Variants in ASTN2 observed in about 807,000 individuals in gnomAD.
ASTN2 encodes astrotactin 2.
ASTN2 carries 54 observed loss-of-function variants against 139.8 expected under a neutral mutation model. The observed-to-expected ratio is 0.39, with a 90% CI of 0.31 to 0.48. The LOEUF is 0.48. Among genes scored for constraint, ASTN2 ranks in the 20% least tolerant of loss-of-function variants. The probability of loss-of-function intolerance (pLI) is 0.95; values close to 1 mark genes in which losing one functional copy is unlikely to be tolerated. For synonymous variants in ASTN2, 756 were observed against 719.5 expected (o/e 1.05, Z -0.81); for missense variants, 1,565 against 1,725.1 (o/e 0.91, Z 1.64).
intron 7 of ASTN2, among the ~76,000 whole-genome samples, chr9:116,993,799 GTATGTACTA>G (rs1230009321): frequency 7.0e-6 from 1 of 142,148 alleles, no homozygotes; most frequent in African/African-American, 2.6e-5. Context: ...ATATATGTAT[GTATGTACTA>G]TATATAACAT....
rs1285011197 is a variant in ASTN2 at position 117,394,705 on chromosome 9, T to C, written c.442+19792A>G. 5.3e-5 allele frequency among the ~76,000 whole-genome samples: 8 copies of C among 152,128 alleles called. No individual in the cohort carries two copies. The East Asian group carries it at 1.5e-3, about 29-fold the overall frequency. On this transcript the variant is annotated intron_variant, in intron 1 of 22. Transcript: ENST00000313400. The stretch of plus-strand genomic sequence containing the variant: ...GAGCAAAGTCACAGAAATGGGAAAG[T>C]AAAGCTTATTTTCCGGACAGTAAAA...
At chr9:116,949,685 A>G (rs182902223) in intron 10 of ASTN2, among the ~76,000 whole-genome samples, 95 of 152,352 alleles carry the variant, frequency 6.2e-4, no homozygotes, top group African/African-American at 2.1e-3. Flanking sequence ...TAGGAAAAAC[A>G]ATAATGAAGC....
chr9:117,338,060 C>G (rs1828942056), intron 1 of ASTN2, among the ~76,000 whole-genome samples: 2 of 152,204 alleles, frequency 1.3e-5, no homozygotes, highest in South Asian at 4.1e-4. Context: ...TCGCATTTAT[C>G]TATCTACAAC....
chr9:116,891,715 G>A, intron 10 of ASTN2, among the ~76,000 whole-genome samples: 1 of 152,176 alleles, frequency 6.6e-6, no homozygotes, highest in Non-Finnish European at 1.5e-5. Flanking sequence ...ATGGGCACTT[G>A]GTCATCCATT....
chr9:116,784,104 T>G (rs115414482), intron 13 of ASTN2, among the ~76,000 whole-genome samples: 3,393 of 152,134 alleles, frequency 0.022, 138 homozygotes, highest in African/African-American at 0.078. Flanking sequence ...ATAAGAAAAA[T>G]GAAGCTTGAA....
intron 1 of ASTN2, among the ~76,000 whole-genome samples, chr9:117,293,657 T>G (rs116221800): frequency 0.01 from 1,545 of 152,152 alleles, 31 homozygotes; most frequent in African/African-American, 0.036. Flanking sequence ...CAGGCTGGGG[T>G]GATCTGCTGC....
At chr9:117,052,901 G>A (rs926380454) in intron 5 of ASTN2, among the ~76,000 whole-genome samples, 4 of 152,220 alleles carry the variant, frequency 2.6e-5, no homozygotes. Context: ...GGTGGACCAT[G>A]TTCCAAAGAG....
chr9:117,071,499 C>T (rs540240843), intron 5 of ASTN2, among the ~76,000 whole-genome samples: 2 of 149,408 alleles, frequency 1.3e-5, no homozygotes, highest in South Asian at 4.2e-4. Context: ...GTGGAGCCTA[C>T]AGAGGCAGGC....
At chr9:116,460,252 G>A (rs2118962042) in intron 20 of ASTN2, among the ~76,000 whole-genome samples, 1 of 152,178 alleles carries the variant, frequency 6.6e-6, no homozygotes, top group Admixed American at 6.5e-5. Flanking sequence ...TGGGAGGAAG[G>A]GGCAATGGAA....
intron 7 of ASTN2, among the ~76,000 whole-genome samples, chr9:116,995,292 G>A (rs548685022): frequency 6.6e-6 from 1 of 152,050 alleles, no homozygotes; most frequent in Non-Finnish European, 1.5e-5. Context: ...GAGTACTCAG[G>A]GAAAATCTAA....
At chr9:116,619,018 C>T (rs58864523) in intron 18 of ASTN2, among the ~76,000 whole-genome samples, 24,622 of 151,920 alleles carry the variant, frequency 0.16, 2,187 homozygotes, top group African/African-American at 0.22. Context: ...TTAATTCCCT[C>T]ATTTCACAAA....
intron 5 of ASTN2, among the ~76,000 whole-genome samples, chr9:117,040,611 A>G (rs1244454698): frequency 6.6e-6 from 1 of 152,084 alleles, no homozygotes; most frequent in Non-Finnish European, 1.5e-5. Flanking sequence ...GGCACCCACC[A>G]CCAAGCCCAG....
chr9:116,929,603 T>C (rs1834845952), intron 10 of ASTN2, among the ~76,000 whole-genome samples: 1 of 152,162 alleles, frequency 6.6e-6, no homozygotes, highest in African/African-American at 2.4e-5. Flanking sequence ...ATGGTGCCTT[T>C]GGGAAACAAA....
rs1834595472 is a variant in ASTN2, at chr9:117,291,586, A to C, written c.443-73T>G. On this transcript the variant is annotated intron_variant, in intron 1 of 22. Transcript: ENST00000313400. ...GGTGCTCCAGGGAGGAAAAGAGCCCACATAATCAGGAGCTCAGAAGGCATC... is the reference window on the plus strand; with the variant it reads ...GGTGCTCCAGGGAGGAAAAGAGCCCCCATAATCAGGAGCTCAGAAGGCATC... The C allele has an allele frequency of 2.1e-6, 3 of 1,423,644 alleles. No individual in the cohort carries two copies. The Admixed American group carries it at 7.0e-5, about 33-fold the overall frequency. The allele number at this position is 1,423,644 out of a possible 1,614,324, so 88.2% of individuals were successfully genotyped here. A position where few individuals can be genotyped will look rare whatever the true frequency, so the allele number is the denominator to read the frequency against.
intron 10 of ASTN2, among the ~76,000 whole-genome samples, chr9:116,916,767 G>T (rs1044728714): frequency 6.6e-6 from 1 of 152,166 alleles, no homozygotes; most frequent in Non-Finnish European, 1.5e-5. Context: ...GGGAGGCAGA[G>T]GTCGCAGTGA....
At chr9:116,660,165 A>AGT (rs1554727022) in intron 16 of ASTN2, among the ~76,000 whole-genome samples, 5 of 93,926 alleles carry the variant, frequency 5.3e-5, no homozygotes, top group Non-Finnish European at 1.1e-4. Context: ...TCATATTGCA[A>AGT]GCGCACACAC....
rs575602281 is a variant in ASTN2, at chr9:117,274,651, C to T, written c.630+16675G>A. Among the ~76,000 whole-genome samples, 159 of 152,282 alleles carry T rather than the reference C, an allele frequency of 1.0e-3. 1 individual carries two copies. The highest frequency in any genetic ancestry group is 2.0e-3 in the Non-Finnish European group (134 of 68,016). ...GAAAGGCTTCACAACACTGGAGGTG[C>T]CATGGCACTTCGTATAGGTGAGTTA... On this transcript the variant is annotated intron_variant, in intron 2 of 22. Coordinates refer to ENST00000313400, the MANE Select transcript of ASTN2 (RefSeq NM_001365068.1).
chr9:117,151,171 GA>G (rs529139705), intron 3 of ASTN2, among the ~76,000 whole-genome samples: 3 of 149,140 alleles, frequency 2.0e-5, no homozygotes, highest in African/African-American at 2.5e-5. Flanking sequence ...ATTGACAAAA[GA>G]AAAAAAAACA....
intron 13 of ASTN2, among the ~76,000 whole-genome samples, chr9:116,740,807 C>G (rs1013565577): frequency 1.3e-5 from 2 of 151,670 alleles, no homozygotes; most frequent in Non-Finnish European, 2.9e-5. Flanking sequence ...AACCACCGCG[C>G]CCGGCGGTAA....
Sources: allele counts gnomAD v4.1 joint callset (sites outside exome capture counted in the v4.1 genomes callset), GRCh38; gene constraint gnomAD v4.1.1; transcripts MANE v1.5; gene names NCBI Gene and HGNC (gene_info 2026-07-23, HGNC 2026-07-21).